Variants in KLHL7 observed in about 807,000 individuals in gnomAD.
KLHL7 encodes the protein kelch like family member 7.
In KLHL7, 44 loss-of-function variants were observed where a neutral mutation model predicts 67.4. That is an observed-to-expected ratio of 0.65 (90% CI 0.51 to 0.84). The LOEUF is 0.84. KLHL7 is among the 40% of genes least tolerant of loss of function. The pLI is 0.00. For missense variants in KLHL7, 362 were observed against 718.1 expected (o/e 0.50, Z 5.67); for synonymous variants, 252 against 243.3 (o/e 1.04, Z -0.33).
At position 23,165,837 on chromosome 7, in the gene KLHL7, A is replaced by G; in HGVS notation, c.1076A>G (p.Lys359Arg). 1 of 1,614,200 alleles carries G rather than the reference A, an allele frequency of 6.2e-7. No individual in the cohort carries two copies. The highest frequency in any genetic ancestry group is 8.5e-7 in the Non-Finnish European group (1 of 1,180,016). Residue 359 changes from lysine to arginine, a missense_variant, in exon 8 of 11, where the codon AAG becomes AGG. Coordinates refer to ENST00000339077, the MANE Select transcript of KLHL7 (RefSeq NM_001031710.3). ...CGAATGGACTGCTATAATGTAGTGAAGGATAGCTGGTATTCGAAACTGGGT... is the reference window on the plus strand; with the variant it reads ...CGAATGGACTGCTATAATGTAGTGAGGGATAGCTGGTATTCGAAACTGGGT... ...IKRMDCYNVVKDSWYSKLGPP... is the reference protein window; with the variant it reads ...IKRMDCYNVVRDSWYSKLGPP...
chr7:23,115,565 A>G (rs1200260281), intron 1 of KLHL7, among the ~76,000 whole-genome samples: 1 of 150,130 alleles, frequency 6.7e-6, no homozygotes, highest in East Asian at 2.0e-4. Flanking sequence ...TTTTTTTGAG[A>G]TGGAGTCTCG....
intron 7 of KLHL7, among the ~76,000 whole-genome samples, chr7:23,164,204 C>CA (rs59830094): frequency 0.47 from 63,101 of 134,018 alleles, 14,880 homozygotes; most frequent in African/African-American, 0.64. Context: ...CTATAATCAG[C>CA]AAAAAAAAAA....
intron 1 of KLHL7, chr7:23,106,847 CTTTTT>C (rs112396697): frequency 6.1e-6 from 5 of 818,514 alleles, no homozygotes; most frequent in African/African-American, 2.1e-5. Flanking sequence ...AACAAAGAGG[CTTTTT>C]TTTTTTTTAA....
intron 6 of KLHL7, among the ~76,000 whole-genome samples, chr7:23,146,233 C>T (rs899496162): frequency 2.6e-5 from 4 of 152,312 alleles, no homozygotes; most frequent in African/African-American, 9.6e-5. Context: ...GTTTTCATCC[C>T]TACCTGCACT....
At chr7:23,149,577 T>C (rs575559508) in intron 6 of KLHL7, among the ~76,000 whole-genome samples, 7 of 152,274 alleles carry the variant, frequency 4.6e-5, no homozygotes, top group African/African-American at 1.7e-4. Context: ...GTTCAATAAT[T>C]AGGATTTTCA....
Position 23,174,055 on chromosome 7 carries a change from C to T in KLHL7, c.1518C>T (p.Asn506=), listed in dbSNP as rs372544263. The T allele has an allele frequency of 1.6e-5, 26 of 1,613,926 alleles. No homozygotes were observed. Among genetic ancestry groups the T allele is most frequent in the South Asian group, 1.1e-4 (10 of 91,084 alleles). Reference sequence around the variant, plus strand: ...TGGAATATTACGATATTAAGTTGAACGAATGGAAGATGGTCTCACCAATGC... The same window carrying T: ...TGGAATATTACGATATTAAGTTGAATGAATGGAAGATGGTCTCACCAATGC... ...DNVEYYDIKL[N]EWKMVSPMPW... is the part of the protein sequence containing the mutation. The change falls in exon 11 of 11, where the codon AAC becomes AAT. Residue 506 remains asparagine, a synonymous_variant. Coordinates refer to ENST00000339077, the MANE Select transcript of KLHL7 (RefSeq NM_001031710.3).
At chr7:23,135,566 A>C (rs1337676996) in intron 4 of KLHL7, among the ~76,000 whole-genome samples, 1 of 152,196 alleles carries the variant, frequency 6.6e-6, no homozygotes, top group African/African-American at 2.4e-5. Flanking sequence ...TTTGAATGAT[A>C]TGTGCTTTCT....
chr7:23,141,089 G>T, intron 5 of KLHL7, 145 bp downstream of exon 5: 1 of 781,312 alleles, frequency 1.3e-6, no homozygotes, highest in Non-Finnish European at 2.1e-6. Context: ...GTAATCTTAG[G>T]TGCTTGCCAG....
intron 7 of KLHL7, among the ~76,000 whole-genome samples, chr7:23,153,253 T>C (rs1784596339): frequency 6.6e-6 from 1 of 152,100 alleles, no homozygotes; most frequent in African/African-American, 2.4e-5. Flanking sequence ...CTGCAGCTCA[T>C]TATTGGCTAT....
intron 1 of KLHL7, among the ~76,000 whole-genome samples, chr7:23,108,746 A>C (rs1478718111): frequency 1.3e-5 from 2 of 152,188 alleles, no homozygotes; most frequent in African/African-American, 4.8e-5. Flanking sequence ...CATCGGCAAA[A>C]AGTGGGTTTT....
At chr7:23,158,514 T>A (rs1018784131) in intron 7 of KLHL7, among the ~76,000 whole-genome samples, 16 of 152,248 alleles carry the variant, frequency 1.1e-4, no homozygotes, top group Admixed American at 7.2e-4. Flanking sequence ...TATGGATTAT[T>A]TTCTATGAAA....
At position 23,137,348 on chromosome 7, in the gene KLHL7, A is replaced by G. The variant is rs567791480; in HGVS notation, c.443-3421A>G. On this transcript the variant is annotated intron_variant, in intron 4 of 10. Transcript: ENST00000339077. ...ACTAATAGACTATAGACTTGGAAAA[A>G]CTAAAGCTAAGTATTTCAAAGAATG... 5.0e-3 allele frequency among the ~76,000 whole-genome samples: 762 copies of G among 152,280 alleles called. 3 individuals are homozygous for G. Among genetic ancestry groups the G allele is most frequent in the Middle Eastern group, 0.027 (8 of 294 alleles).
At chr7:23,162,004 T>C (rs1381102150) in intron 7 of KLHL7, among the ~76,000 whole-genome samples, 1 of 152,212 alleles carries the variant, frequency 6.6e-6, no homozygotes, top group African/African-American at 2.4e-5. Flanking sequence ...GCAGCCATCC[T>C]GCTAACCTCC....
chr7:23,156,249 A>G (rs991905282), intron 7 of KLHL7: 30 of 191,698 alleles, frequency 1.6e-4, no homozygotes, highest in African/African-American at 6.6e-4. Flanking sequence ...ATAGCAAAGA[A>G]AAATCTTTTT....
chr7:23,139,986 A>G (rs2128464195), intron 4 of KLHL7, among the ~76,000 whole-genome samples: 1 of 151,750 alleles, frequency 6.6e-6, no homozygotes, highest in East Asian at 1.9e-4. Context: ...GCTATGGGCT[A>G]GATTTTGCCC....
chr7:23,142,103 C>A (rs1238964198), intron 5 of KLHL7, among the ~76,000 whole-genome samples: 1 of 151,944 alleles, frequency 6.6e-6, no homozygotes, highest in Admixed American at 6.6e-5. Context: ...GGGGTTTCAC[C>A]ATGTTGGCCA....
chr7:23,152,588 A>G (rs117173417), intron 7 of KLHL7, among the ~76,000 whole-genome samples: 2,470 of 152,268 alleles, frequency 0.016, 35 homozygotes, highest in Non-Finnish European at 0.025. Context: ...TTAATATGAA[A>G]TAACACATAG....
chr7:23,135,464 G>C (rs1253275444), intron 4 of KLHL7, among the ~76,000 whole-genome samples: 2 of 152,176 alleles, frequency 1.3e-5, no homozygotes, highest in Non-Finnish European at 2.9e-5. Flanking sequence ...CTATAGTGCA[G>C]ATTAAGTCTG....
In KLHL7 at chr7:23,152,063, A is replaced by G. The variant is rs1334458779; in HGVS notation, c.794-4A>G. 6.2e-7 allele frequency: 1 copy of G among 1,613,734 alleles called. No individual in the cohort carries two copies. The highest frequency in any genetic ancestry group is 8.5e-7 in the Non-Finnish European group (1 of 1,179,680). On this transcript the variant is annotated splice_region_variant and splice_polypyrimidine_tract_variant and intron_variant, in intron 6 of 10. Transcript: ENST00000339077. ...TTGAAGCGTTGCCATGTATTTTACTACAGGTGGAATGAGGTACCATCTACT... is the reference window on the plus strand; with the variant it reads ...TTGAAGCGTTGCCATGTATTTTACTGCAGGTGGAATGAGGTACCATCTACT...
Sources: allele counts gnomAD v4.1 joint callset (sites outside exome capture counted in the v4.1 genomes callset), GRCh38; gene constraint gnomAD v4.1.1; transcripts MANE v1.5; gene names NCBI Gene and HGNC (gene_info 2026-07-23, HGNC 2026-07-21).